The following CHST8 variants were observed in gnomAD, a reference collection of about 807,000 sequenced individuals.
CHST8 encodes the protein carbohydrate sulfotransferase 8, also known as GALNAC-4-ST1.
In CHST8, 10 loss-of-function variants were observed where a neutral mutation model predicts 15.0. The ratio of observed to expected loss-of-function variants is 0.67; its 90% CI spans 0.41 to 1.13. CHST8 has a LOEUF of 1.13. Ranked by LOEUF, CHST8 falls within the 50% of genes most tolerant of loss-of-function variation. The pLI, the probability that CHST8 is intolerant of heterozygous loss-of-function variation, is 0.00. For missense variants in CHST8, 634 were observed against 608.2 expected (o/e 1.04, Z -0.45); for synonymous variants, 259 against 256.6 (o/e 1.01, Z -0.09).
At chr19:33,708,030 C>A (rs1973479351) in intron 3 of CHST8, among the ~76,000 whole-genome samples, 1 of 152,080 alleles carries the variant, frequency 6.6e-6, no homozygotes. Flanking sequence ...TTTTCATGTG[C>A]TTATTAGCCA....
chr19:33,682,342 T>G (rs1972905318), intron 2 of CHST8, among the ~76,000 whole-genome samples: 1 of 152,046 alleles, frequency 6.6e-6, no homozygotes, highest in Non-Finnish European at 1.5e-5. Context: ...ATGCAGCTAA[T>G]TTTTGTAATT....
chr19:33,750,416 G>A (rs548514121), intron 3 of CHST8, among the ~76,000 whole-genome samples: 5 of 152,176 alleles, frequency 3.3e-5, no homozygotes, highest in Non-Finnish European at 7.4e-5. Context: ...GCCTGGATCT[G>A]AGAGCCATCC....
intron 3 of CHST8, among the ~76,000 whole-genome samples, chr19:33,754,471 G>C (rs1974504591): frequency 6.6e-6 from 1 of 152,118 alleles, no homozygotes. Context: ...ACCTTGCCGT[G>C]CATCTTAACC....
intron 3 of CHST8, among the ~76,000 whole-genome samples, chr19:33,708,581 C>T (rs1973488355): frequency 6.6e-6 from 1 of 152,142 alleles, no homozygotes; most frequent in Non-Finnish European, 1.5e-5. Context: ...TTTCATTGAT[C>T]TGTATGTCTA....
At chr19:33,701,474 G>A (rs948382999) in intron 3 of CHST8, among the ~76,000 whole-genome samples, 10 of 152,018 alleles carry the variant, frequency 6.6e-5, no homozygotes, top group Non-Finnish European at 1.5e-4. Context: ...TAATAGAAAC[G>A]GTCCCAGAAT....
At chr19:33,757,562 A>G (rs1297852233) in intron 3 of CHST8, among the ~76,000 whole-genome samples, 2 of 130,204 alleles carry the variant, frequency 1.5e-5, no homozygotes, top group Admixed American at 7.5e-5. Flanking sequence ...GAAAGAAAGA[A>G]AGAAAGAAAG....
chr19:33,684,353 G>A lies in CHST8; in HGVS notation c.-86-4823G>A, dbSNP rs145999343. Among the ~76,000 whole-genome samples the A allele has an allele frequency of 2.6e-5, 4 of 152,340 alleles. No homozygotes were observed. In the East Asian group the frequency reaches 7.7e-4, roughly 30 times the overall value. On this transcript the variant is annotated intron_variant, in intron 2 of 4. Coordinates refer to ENST00000650847, the MANE Select transcript of CHST8 (RefSeq NM_001127895.2). ...GGGAGTAGCGTGCCGCCCGGCAGGGGCCTGGGTGTGCCAAGGCCCGGCTCT... is the reference window on the plus strand; with the variant it reads ...GGGAGTAGCGTGCCGCCCGGCAGGGACCTGGGTGTGCCAAGGCCCGGCTCT...
chr19:33,632,860 C>CTGGG (rs1226013364), intron 1 of CHST8, among the ~76,000 whole-genome samples: 1 of 152,142 alleles, frequency 6.6e-6, no homozygotes, highest in African/African-American at 2.4e-5. Context: ...CCTCCGCCTC[C>CTGGG]TGGGTTAAAG....
intron 3 of CHST8, among the ~76,000 whole-genome samples, chr19:33,714,857 C>A (rs2145299911): frequency 6.6e-6 from 1 of 152,356 alleles, no homozygotes; most frequent in Middle Eastern, 3.4e-3. Flanking sequence ...GCCTCCCCAG[C>A]CACATGGAAC....
chr19:33,712,031 G>A (rs1275093369), intron 3 of CHST8, among the ~76,000 whole-genome samples: 1 of 152,210 alleles, frequency 6.6e-6, no homozygotes, highest in Non-Finnish European at 1.5e-5. Context: ...GAATGAAAAG[G>A]TCTATAAGAT....
In CHST8 at chr19:33,772,026, T is replaced by C. The variant is rs549015572; in HGVS notation, c.238T>C (p.Ser80Pro). 2 of 1,611,632 alleles carry C rather than the reference T, an allele frequency of 1.2e-6. No homozygotes were observed. Among genetic ancestry groups the C allele is most frequent in the South Asian group, 2.2e-5 (2 of 90,926 alleles). Reference protein sequence around the residue: ...EPTERVTRDLSSGAPRGRNLP... With the variant: ...EPTERVTRDLPSGAPRGRNLP... ...CACAGAGAGGGTCACTCGGGACTTA[T>C]CCAGTGGGGCCCCGAGGGGCCGCAA... The change falls in exon 5 of 5, where the codon TCC becomes CCC. Residue 80 changes from serine to proline, a missense_variant. By Grantham distance (74) the Ser-to-Pro change is moderately conservative. Transcript: ENST00000650847.
intron 3 of CHST8, among the ~76,000 whole-genome samples, chr19:33,769,328 G>A (rs1287824070): frequency 6.6e-6 from 1 of 152,222 alleles, no homozygotes; most frequent in Non-Finnish European, 1.5e-5. Context: ...CTTTAGAAAA[G>A]GAATATATAA....
intron 3 of CHST8, among the ~76,000 whole-genome samples, chr19:33,729,338 A>T (rs1293193150): frequency 1.3e-5 from 2 of 152,198 alleles, no homozygotes; most frequent in Admixed American, 6.5e-5. Context: ...GTTCCTTGCC[A>T]TGTGGGCCTC....
intron 3 of CHST8, among the ~76,000 whole-genome samples, chr19:33,732,772 T>C (rs1483309539): frequency 6.6e-6 from 1 of 152,048 alleles, no homozygotes; most frequent in Non-Finnish European, 1.5e-5. Flanking sequence ...GGAAAGGCAG[T>C]GGGGCATGTG....
At chr19:33,770,255 C>A (rs1054402075) in intron 3 of CHST8, among the ~76,000 whole-genome samples, 1 of 152,194 alleles carries the variant, frequency 6.6e-6, no homozygotes, top group African/African-American at 2.4e-5. Context: ...ACACTGGAAC[C>A]CCCCTCCCGC....
chr19:33,771,854 TGA>T, intron 4 of CHST8, 101 bp from the exon 5 acceptor site: 1 of 1,359,380 alleles, frequency 7.4e-7, no homozygotes, highest in Non-Finnish European at 1.0e-6. Flanking sequence ...CTCCCTCACC[TGA>T]GAGGGACAGG....
chr19:33,703,960 G>A (rs376636729), intron 3 of CHST8, among the ~76,000 whole-genome samples: 1 of 152,218 alleles, frequency 6.6e-6, no homozygotes. Context: ...GGCTCCTAGT[G>A]GGGGGTGGAG....
chr19:33,751,594 C>T (rs1039878850), intron 3 of CHST8, among the ~76,000 whole-genome samples: 3 of 152,170 alleles, frequency 2.0e-5, no homozygotes, highest in Admixed American at 1.3e-4. Context: ...GTGAACCCCC[C>T]AGCCTCCTGC....
At chr19:33,771,673 C>T (rs776443865) in intron 4 of CHST8, among the ~76,000 whole-genome samples, 6 of 152,190 alleles carry the variant, frequency 3.9e-5, no homozygotes, top group Non-Finnish European at 5.9e-5. Context: ...GGCCGTAAAT[C>T]TGAGCCCGCC....
Sources: gnomAD v4.1 joint callset for allele counts (sites outside exome capture counted in the v4.1 genomes callset) on GRCh38, gnomAD v4.1.1 for gene constraint, MANE v1.5 for transcripts, NCBI Gene and HGNC (gene_info 2026-07-23, HGNC 2026-07-21) for gene names.